Variants in MIA2 observed in about 807,000 individuals in gnomAD.
MIA2 encodes melanoma inhibitory activity protein 2.
Under a neutral mutation model 167.8 loss-of-function variants are expected in MIA2, and 127 were observed. That is an observed-to-expected ratio of 0.76 (90% confidence interval 0.66 to 0.88). MIA2 has a LOEUF of 0.88. Ranked by LOEUF, MIA2 falls within the 40% of genes least tolerant of loss-of-function variation. MIA2 has a pLI of 0.00. For missense variants in MIA2, 1,690 were observed against 1,624.7 expected (o/e 1.04, Z -0.69); for synonymous variants, 552 against 541.9 (o/e 1.02, Z -0.26).
Position 39,350,445 on chromosome 14 carries a change from A to G in MIA2, c.*181A>G, listed in dbSNP as rs886358063. The G allele has an allele frequency of 1.1e-4, 50 of 441,974 alleles. No individual in the cohort carries two copies. The highest frequency in any genetic ancestry group is 1.1e-3 in the East Asian group (31 of 27,916). The allele number at this position is 441,974 out of a possible 1,614,324, so 27.4% of individuals were successfully genotyped here. ...TGAATCTTATGAGTAAATTATTTCA[A>G]TTTTATTTTAGACGGTATAACTATT... On this transcript the variant is annotated 3_prime_UTR_variant, in exon 29 of 29. Coordinates refer to ENST00000640607, the MANE Select transcript of MIA2 (RefSeq NM_001329214.4).
At chr14:39,354,840 T>C (rs2074479952), downstream of MIA2, among the ~76,000 whole-genome samples, 1 of 152,180 alleles carries the variant, frequency 6.6e-6, no homozygotes, top group East Asian at 1.9e-4. Flanking sequence ...TTTCTTGTTT[T>C]TCTCAGGTTT....
At chr14:39,251,715 A>G (rs958819481) in intron 4 of MIA2, among the ~76,000 whole-genome samples, 2 of 152,132 alleles carry the variant, frequency 1.3e-5, no homozygotes, top group Admixed American at 6.5e-5. Flanking sequence ...TGCTATTACT[A>G]AATTACTGGT....
intron 9 of MIA2, among the ~76,000 whole-genome samples, chr14:39,289,578 C>G (rs2060446867): frequency 6.6e-6 from 1 of 152,150 alleles, no homozygotes; most frequent in Non-Finnish European, 1.5e-5. Flanking sequence ...TTAGTGCAAC[C>G]TAGTGGTGTA....
intron 10 of MIA2, 90 bp downstream of exon 10, chr14:39,291,186 G>GA: frequency 3.4e-6 from 4 of 1,173,918 alleles, no homozygotes; most frequent in Non-Finnish European, 3.6e-6. Context: ...AAAACTATTT[G>GA]AAAAAAATGT....
intron 23 of MIA2, among the ~76,000 whole-genome samples, chr14:39,364,446 G>A (rs1281188498): frequency 6.8e-6 from 1 of 146,632 alleles, no homozygotes; most frequent in Non-Finnish European, 1.5e-5. Flanking sequence ...TTTTTTTTTT[G>A]TTTTGTTTTT....
chr14:39,311,297 T>C (rs1311214370), intron 18 of MIA2, among the ~76,000 whole-genome samples: 1 of 152,140 alleles, frequency 6.6e-6, no homozygotes, highest in East Asian at 1.9e-4. Context: ...GAGTAGAATA[T>C]TGAGTTGATA....
intron 25 of MIA2, among the ~76,000 whole-genome samples, chr14:39,335,556 T>A (rs767557742): frequency 6.6e-6 from 1 of 152,210 alleles, no homozygotes; most frequent in Middle Eastern, 3.2e-3. Context: ...CTCTAACTTA[T>A]CTCTTTTCTC....
At chr14:39,378,887 A>G (rs945676727) in intron 23 of MIA2, among the ~76,000 whole-genome samples, 1 of 152,258 alleles carries the variant, frequency 6.6e-6, no homozygotes, top group African/African-American at 2.4e-5. Flanking sequence ...AGAGTTTAAA[A>G]TACTTGATAT....
chr14:39,237,580 T>C (rs1429781058), intron 2 of MIA2, among the ~76,000 whole-genome samples: 1 of 152,144 alleles, frequency 6.6e-6, no homozygotes, highest in African/African-American at 2.4e-5. Context: ...GGGAAGGCAG[T>C]ATGGTTGGGA....
chr14:39,358,250 TTC>T (rs1300237757), intron 23 of MIA2, among the ~76,000 whole-genome samples: 3 of 152,200 alleles, frequency 2.0e-5, no homozygotes, highest in Non-Finnish European at 4.4e-5. Context: ...CTTTGTTCGT[TTC>T]TTTTTATTCT....
chr14:39,245,081 C>CCTTTTTTT (rs761421469), intron 3 of MIA2, among the ~76,000 whole-genome samples: 8 of 119,718 alleles, frequency 6.7e-5, no homozygotes, highest in Non-Finnish European at 1.3e-4. Context: ...CCTAGCTAAC[C>CCTTTTTTT]TTTTTTTTTT....
chr14:39,248,236 C>T (rs552486404), intron 4 of MIA2, 95 bp downstream of exon 4: 119 of 989,960 alleles, frequency 1.2e-4, no homozygotes, highest in Non-Finnish European at 1.4e-4. Flanking sequence ...CAGGAATCCA[C>T]GTTTTTCAGA....
chr14:39,355,457 G>C (rs2074497670), downstream of MIA2, among the ~76,000 whole-genome samples: 1 of 152,152 alleles, frequency 6.6e-6, no homozygotes. Flanking sequence ...TTTGGGCTGA[G>C]ACAATGGGGT....
chr14:39,347,904 C>G, intron 27 of MIA2, 133 bp downstream of exon 27: 1 of 806,884 alleles, frequency 1.2e-6, no homozygotes, highest in Middle Eastern at 4.0e-4. Context: ...TCACTGCAAC[C>G]TGGGTTCAAG....
chr14:39,386,695 C>T, intron 23 of MIA2: 1 of 1,197,990 alleles, frequency 8.3e-7, no homozygotes, highest in South Asian at 1.2e-5. Flanking sequence ...TTATTGTTTT[C>T]TTGCCTCTTC....
At chr14:39,248,302 A>G (rs2054400525) in intron 4 of MIA2, 161 bp downstream of exon 4, 1 of 416,148 alleles carries the variant, frequency 2.4e-6, no homozygotes, top group South Asian at 1.1e-4. Flanking sequence ...TCTTAATATT[A>G]TAAAATAAAA....
At chr14:39,326,839 T>G (rs1168687516) in intron 24 of MIA2, 25 bp from the exon 25 acceptor site, 1 of 1,440,968 alleles carries the variant, frequency 6.9e-7, no homozygotes, top group Admixed American at 2.8e-5. Flanking sequence ...GAAACAGATT[T>G]GTATGTTTTT....
chr14:39,293,454 G>A (rs1052596762), intron 11 of MIA2, 73 bp downstream of exon 11: 2 of 1,008,780 alleles, frequency 2.0e-6, no homozygotes, highest in Non-Finnish European at 2.9e-6. Context: ...ATATGATACT[G>A]GTTAAAGTAT....
At chr14:39,265,247 T>C (rs1047304530) in intron 6 of MIA2, 2 of 683,416 alleles carry the variant, frequency 2.9e-6, no homozygotes, top group Non-Finnish European at 5.0e-6. Flanking sequence ...GTAGCACCCC[T>C]TTACCACACA....
Sources: gnomAD v4.1 joint callset for allele counts (sites outside exome capture counted in the v4.1 genomes callset) on GRCh38, gnomAD v4.1.1 for gene constraint, MANE v1.5 for transcripts, NCBI Gene and HGNC (gene_info 2026-07-23, HGNC 2026-07-21) for gene names.